ANKRD28: variants seen among roughly 807,000 people sequenced by gnomAD.
ANKRD28 encodes the protein ankyrin repeat domain 28.
A neutral mutation model predicts 126.5 loss-of-function variants in ANKRD28; 44 were observed. The ratio of observed to expected loss-of-function variants is 0.35; its 90% confidence interval spans 0.27 to 0.45. The LOEUF (loss-of-function observed/expected upper bound fraction) is 0.45, where lower values mean the gene tolerates loss of function less well. Among genes scored for constraint, ANKRD28 ranks in the 20% least tolerant of loss-of-function variants. ANKRD28 has a pLI of 1.00. For missense variants in ANKRD28, 1,110 were observed against 1,316.6 expected (o/e 0.84, Z 2.43); for synonymous variants, 442 against 468.5 (o/e 0.94, Z 0.73).
At chr3:15,766,130 A>T in intron 3 of ANKRD28, 104 bp downstream of exon 3, 1 of 818,608 alleles carries the variant, frequency 1.2e-6, no homozygotes, top group African/African-American at 1.7e-5. Context: ...GATAAAACAA[A>T]TATGAACAAC....
intron 4 of ANKRD28, among the ~76,000 whole-genome samples, chr3:15,748,608 C>A (rs779749445): frequency 3.3e-5 from 5 of 152,136 alleles, no homozygotes; most frequent in Non-Finnish European, 7.4e-5. Flanking sequence ...ATGCTTTTGC[C>A]TCACAGCTCT....
intron 14 of ANKRD28, among the ~76,000 whole-genome samples, chr3:15,699,935 C>T (rs918200834): frequency 3.9e-5 from 6 of 152,258 alleles, no homozygotes; most frequent in East Asian, 1.9e-4. Flanking sequence ...CACATGCACA[C>T]GTATGTTTAC....
chr3:15,742,315 C>T (rs2057104623), intron 4 of ANKRD28, among the ~76,000 whole-genome samples: 2 of 151,590 alleles, frequency 1.3e-5, no homozygotes, highest in East Asian at 4.0e-4. Flanking sequence ...CGGCTGCCAT[C>T]CCATCTAGGA....
intron 2 of ANKRD28, among the ~76,000 whole-genome samples, chr3:15,768,563 G>T (rs1260381720): frequency 1.3e-5 from 2 of 151,968 alleles, no homozygotes; most frequent in Non-Finnish European, 2.9e-5. Context: ...GCTGAGGTAG[G>T]ATGGCTTGAG....
At chr3:15,695,821 A>C (rs1396442070) in intron 15 of ANKRD28, among the ~76,000 whole-genome samples, 3 of 152,150 alleles carry the variant, frequency 2.0e-5, no homozygotes, top group Non-Finnish European at 4.4e-5. Flanking sequence ...TATTTCTCAC[A>C]AAAGACACAG....
intron 14 of ANKRD28, among the ~76,000 whole-genome samples, chr3:15,707,608 G>A (rs184703504): frequency 7.2e-5 from 11 of 152,222 alleles, no homozygotes; most frequent in Admixed American, 2.0e-4. Context: ...ATATAGTCAC[G>A]GCTGTAGCCT....
At position 15,815,624 on chromosome 3, in the gene ANKRD28, C is replaced by T. The variant is rs929744195; in HGVS notation, c.28-20318G>A. Among the ~76,000 whole-genome samples, 20 of 152,106 alleles carry T rather than the reference C, an allele frequency of 1.3e-4. No individual in the cohort carries two copies. The highest frequency in any genetic ancestry group is 4.1e-4 in the African/African-American group (17 of 41,390). On this transcript the variant is annotated intron_variant, in intron 1 of 27. Coordinates refer to the ANKRD28 transcript ENST00000399451. The surrounding 1 kb of genome is among the most constrained non-coding windows in gnomAD (Gnocchi z 4.1). ...ACACTTCTTATTGTTCTGAAAGAAT[C>T]GTCATCAATGCTATGACAAAGAATC...
At chr3:15,715,160 T>C (rs1387284310) in intron 8 of ANKRD28, among the ~76,000 whole-genome samples, 2 of 152,248 alleles carry the variant, frequency 1.3e-5, no homozygotes, top group Non-Finnish European at 2.9e-5. Context: ...ATATATTTCA[T>C]GTAGAAGTTC....
Position 15,854,000 on chromosome 3 carries a change from T to C in ANKRD28, c.27+5377A>G, listed in dbSNP as rs1038792785. ...CTAAAATATTTTACGTATGTTCTGA[T>C]TTACAGCAGTAGCTACCTAACTGGT... is the stretch of plus-strand genomic sequence containing the variant. On this transcript the variant is annotated intron_variant, in intron 1 of 27. Transcript: ENST00000399451. The surrounding 1 kb of genome is among the most constrained non-coding windows in gnomAD (Gnocchi z 4.2). 6.6e-6 allele frequency among the ~76,000 whole-genome samples: 1 copy of C among 152,228 alleles called. No homozygotes were observed. Among genetic ancestry groups the C allele is most frequent in the African/African-American group, 2.4e-5 (1 of 41,454 alleles).
At chr3:15,856,074 T>C (rs906273994) in intron 1 of ANKRD28, among the ~76,000 whole-genome samples, 17 of 152,218 alleles carry the variant, frequency 1.1e-4, no homozygotes, top group African/African-American at 4.1e-4. Flanking sequence ...GGTTCCTTAC[T>C]AGTCCCTTTT....
At position 15,686,309 on chromosome 3, in the gene ANKRD28, GC is replaced by G; in HGVS notation, c.1964-1del. The G allele has an allele frequency of 6.4e-7, 1 of 1,570,238 alleles. No homozygotes were observed. Among genetic ancestry groups the G allele is most frequent in the East Asian group, 2.3e-5 (1 of 43,622 alleles). ...TAAGCATTCTGAATGACCATTTGTT[GC>G]TGTAAAGTGAAATTTAAACATTTCA... On this transcript the variant is annotated splice_acceptor_variant, in intron 18 of 27. Coordinates refer to ENST00000683139, the MANE Select transcript of ANKRD28 (RefSeq NM_001349278.2). LOFTEE classifies it high-confidence loss of function.
At chr3:15,834,055 T>A (rs2061268137) in intron 1 of ANKRD28, among the ~76,000 whole-genome samples, 1 of 152,226 alleles carries the variant, frequency 6.6e-6, no homozygotes, top group Admixed American at 6.5e-5. Context: ...TGTTCACTGT[T>A]TCTTTTACTG....
At chr3:15,675,493 A>ATTTTG (rs2066844341) in intron 27 of ANKRD28, among the ~76,000 whole-genome samples, 1 of 152,204 alleles carries the variant, frequency 6.6e-6, no homozygotes, top group Non-Finnish European at 1.5e-5. Context: ...CCAGGACACA[A>ATTTTG]AAGAGAACTG....
Position 15,843,886 on chromosome 3 carries a change from AAGG to A in ANKRD28, c.27+15488_27+15490del, listed in dbSNP as rs752067306. The stretch of plus-strand genomic sequence containing the variant: ...GCAAGAGGCAGAAGATGGAGATGAA[AAGG>A]AGAAGACTGAAAGCGTGTGTACATT... On this transcript the variant is annotated intron_variant, in intron 1 of 27. Coordinates refer to the ANKRD28 transcript ENST00000399451. This position sits in a 1 kb window ranked among gnomAD's most constrained non-coding sequence, Gnocchi z 5.2. Among the ~76,000 whole-genome samples the A allele has an allele frequency of 6.6e-6, 1 of 152,174 alleles. No individual in the cohort carries two copies. The highest frequency in any genetic ancestry group is 1.5e-5 in the Non-Finnish European group (1 of 68,026).
rs2059591239 is a variant in ANKRD28, at chr3:15,782,669, T to C, written c.201+12554A>G. ...AAACTTTGGGACTTTCATAGTTGTC[T>C]GTTCTGTGTATGCTACCTGAATCAA... On this transcript the variant is annotated intron_variant, in intron 2 of 27. Transcript: ENST00000683139. 3.3e-5 allele frequency among the ~76,000 whole-genome samples: 5 copies of C among 152,110 alleles called. No homozygotes were observed. In the South Asian group the frequency reaches 8.3e-4, roughly 25 times the overall value.
intron 4 of ANKRD28, among the ~76,000 whole-genome samples, chr3:15,742,066 T>C (rs2057071943): frequency 6.6e-6 from 1 of 152,186 alleles, no homozygotes; most frequent in Admixed American, 6.5e-5. Flanking sequence ...TGGAGTGCAG[T>C]GGCGTGATCT....
intron 4 of ANKRD28, among the ~76,000 whole-genome samples, chr3:15,745,246 T>C (rs577759655): frequency 6.6e-6 from 1 of 152,318 alleles, no homozygotes; most frequent in Non-Finnish European, 1.5e-5. Flanking sequence ...TTAAGTCCCA[T>C]CTATTTTTTG....
intron 14 of ANKRD28, among the ~76,000 whole-genome samples, chr3:15,697,526 T>C (rs1170386294): frequency 6.6e-6 from 1 of 152,094 alleles, no homozygotes; most frequent in Non-Finnish European, 1.5e-5. Flanking sequence ...TTTTTGCCAT[T>C]GGTTCTGTTT....
intron 2 of ANKRD28, among the ~76,000 whole-genome samples, chr3:15,784,589 A>C (rs2059687125): frequency 6.6e-6 from 1 of 152,114 alleles, no homozygotes; most frequent in African/African-American, 2.4e-5. Flanking sequence ...AGAAGGCAGA[A>C]GAAGAATGGA....
Sources: gnomAD v4.1 joint callset for allele counts (sites outside exome capture counted in the v4.1 genomes callset) on GRCh38, gnomAD v4.1.1 for gene constraint, Gnocchi (gnomAD v3.1) non-coding constraint, MANE v1.5 for transcripts, NCBI Gene and HGNC (gene_info 2026-07-23, HGNC 2026-07-21) for gene names.